The following CLUH variants were observed in gnomAD, a reference collection of about 807,000 sequenced individuals.
CLUH encodes the protein clustered mitochondria protein homolog.
Under a neutral mutation model 139.3 loss-of-function variants are expected in CLUH, and 77 were observed. The ratio of observed to expected loss-of-function variants is 0.55; its 90% CI spans 0.46 to 0.67. The LOEUF is 0.67. CLUH is among the 30% of genes least tolerant of loss of function. The pLI is 0.00. For missense variants in CLUH, 1,876 were observed against 1,875.8 expected (o/e 1.00, Z 0.00); for synonymous variants, 999 against 801.6 (o/e 1.25, Z -4.16).
At chr17:2,705,063 A>C (rs2070312097) in intron 1 of CLUH, among the ~76,000 whole-genome samples, 8 of 140,676 alleles carry the variant, frequency 5.7e-5, no homozygotes, top group South Asian at 2.3e-4. Flanking sequence ...CCTCCCATAC[A>C]CTCCTGCCCC....
At chr17:2,708,449 T>G (rs2070413084) in intron 1 of CLUH, among the ~76,000 whole-genome samples, 1 of 151,914 alleles carries the variant, frequency 6.6e-6, no homozygotes, top group Non-Finnish European at 1.5e-5. Flanking sequence ...GGACTCACGC[T>G]AGGCCCAGCC....
rs1397137191 is a variant in CLUH, at chr17:2,701,217, T to C, written c.948A>G (p.Leu316=). The C allele has an allele frequency of 6.2e-7, 1 of 1,613,834 alleles. No homozygotes were observed. ...FNPKPASPRF[L]SHSLVELLNQ... ...TGAGCAGCTCCACTAGGGAATGGCTTAGGAAGCGGGGGCTGGCGGGCTTGG... is the reference window on the plus strand; with the variant it reads ...TGAGCAGCTCCACTAGGGAATGGCTCAGGAAGCGGGGGCTGGCGGGCTTGG... Residue 316 remains leucine (L), a synonymous_variant, in exon 7 of 26, where the codon CTA becomes CTG. Coordinates refer to ENST00000651024, the MANE Select transcript of CLUH (RefSeq NM_001366661.1).
At chr17:2,695,929 G>A in intron 13 of CLUH, 3 of 593,484 alleles carry the variant, frequency 5.1e-6, no homozygotes, top group Non-Finnish European at 9.0e-6. Flanking sequence ...ACCATCCAGG[G>A]CTCAGAAGAC....
At chr17:2,693,297 G>C (rs923239971) in intron 19 of CLUH, among the ~76,000 whole-genome samples, 1 of 152,150 alleles carries the variant, frequency 6.6e-6, no homozygotes, top group Non-Finnish European at 1.5e-5. Context: ...TCGGGAGGCT[G>C]AGGTGGGAGA....
chr17:2,694,821 A>ATCCC, intron 16 of CLUH, 36 bp downstream of exon 16: 1 of 1,446,332 alleles, frequency 6.9e-7, no homozygotes, highest in Non-Finnish European at 9.2e-7. Flanking sequence ...CATCTGCCCA[A>ATCCC]TCCCACCCAC....
At position 2,692,369 on chromosome 17, in the gene CLUH, C is replaced by A. The variant is rs1239123655; in HGVS notation, c.3552G>T (p.Val1184=). Residue 1184 remains valine, a synonymous_variant, in exon 22 of 26, where the codon GTG becomes GTT. Coordinates refer to ENST00000651024, the MANE Select transcript of CLUH (RefSeq NM_001366661.1). ...GACGGGCGGCCCCTCACCTGAGGGC[C>A]ACCTTGAGGGCCTTGGGCCCGTGGT... is the stretch of plus-strand genomic sequence containing the variant. ...TKYHGPKALK[V]ALSHHLVARV... The A allele has an allele frequency of 5.7e-6, 9 of 1,582,582 alleles. No individual in the cohort carries two copies. Among genetic ancestry groups the A allele is most frequent in the Non-Finnish European group, 7.7e-6 (9 of 1,172,134 alleles).
intron 25 of CLUH, 27 bp from the exon 26 acceptor site, chr17:2,690,804 G>A: frequency 6.9e-7 from 1 of 1,457,674 alleles, no homozygotes; most frequent in South Asian, 1.5e-5. Context: ...GGATGGAGGT[G>A]GCTCTCAGAG....
At chr17:2,702,673 A>G (rs2093933497) in intron 3 of CLUH, among the ~76,000 whole-genome samples, 1 of 152,140 alleles carries the variant, frequency 6.6e-6, no homozygotes, top group Non-Finnish European at 1.5e-5. Flanking sequence ...GACCAACCGG[A>G]TGGCACCTCC....
chr17:2,711,475 A>C, intron 1 of CLUH, 87 bp downstream of exon 1: 1 of 319,894 alleles, frequency 3.1e-6, no homozygotes, highest in Non-Finnish European at 4.5e-6. Context: ...CGCGGAGGGA[A>C]GGCGGCGATC....
In CLUH at chr17:2,701,952, A is replaced by G. The variant is rs1394556359; in HGVS notation, c.581T>C (p.Leu194Ser). The change falls in exon 4 of 26, where the codon TTG (leucine) becomes TCG (serine). Residue 194 changes from leucine (L) to serine (S), a missense_variant. Physicochemically the swap from Leu to Ser is moderately radical, Grantham distance 145 (BLOSUM62 -2). Around this residue, in one of 3 missense-constraint regions of CLUH, gnomAD observed 270 missense variants for 354.7 expected, o/e 0.76. Transcript: ENST00000651024. ...DAFNGVDCNSLSFLSVFTDGD... is the reference protein window; with the variant it reads ...DAFNGVDCNSSSFLSVFTDGD... The stretch of plus-strand genomic sequence containing the variant: ...GTCGGTGAAGACACTCAGGAAGGAC[A>G]AGGAGTTGCAGTCAACCCCGTTGAA... 3 of 1,613,948 alleles carry G rather than the reference A, an allele frequency of 1.9e-6. No individual in the cohort carries two copies. Among genetic ancestry groups the G allele is most frequent in the Admixed American group, 3.3e-5 (2 of 60,010 alleles).
Position 2,702,070 on chromosome 17 carries a change from C to G in CLUH, c.476-13G>C. 1 of 1,612,326 alleles carries G rather than the reference C, an allele frequency of 6.2e-7. No individual in the cohort carries two copies. Among genetic ancestry groups the G allele is most frequent in the African/African-American group, 1.3e-5 (1 of 75,068 alleles). ...ACCGTGTACGGCTCTGTCAGGAAGG[C>G]AGGGAGGGTATGGCGTTACCAGGGC... On this transcript the variant is annotated splice_polypyrimidine_tract_variant and intron_variant, in intron 3 of 25. Coordinates refer to ENST00000651024, the MANE Select transcript of CLUH (RefSeq NM_001366661.1).
At position 2,707,005 on chromosome 17, in the gene CLUH, C is replaced by T. The variant is rs546995861; in HGVS notation, c.101-2441G>A. On this transcript the variant is annotated intron_variant, in intron 1 of 25. Transcript: ENST00000651024. This position sits in a 1 kb window ranked among gnomAD's most constrained non-coding sequence, Gnocchi z 7.4. ...CTCAGGGGGTACCTATTCCCTATCC[C>T]GTTTCAAAGGAATGCAGCTGGCTCC... Among the ~76,000 whole-genome samples, 1 of 152,312 alleles carries T rather than the reference C, an allele frequency of 6.6e-6. No homozygotes were observed. The highest frequency in any genetic ancestry group is 2.1e-4 in the South Asian group (1 of 4,834).
chr17:2,694,715 A>G, intron 16 of CLUH, 142 bp downstream of exon 16: 1 of 1,349,238 alleles, frequency 7.4e-7, no homozygotes, highest in East Asian at 2.5e-5. Flanking sequence ...ACCCTCCAGC[A>G]CCCAGTGATC....
chr17:2,692,036 C>A lies in CLUH; in HGVS notation c.3622G>T (p.Glu1208Ter). The change falls in exon 23 of 26, where the codon GAG (glutamate) becomes TAG (stop). Residue 1208 changes from glutamate to a stop codon, truncating the protein, a stop_gained. Coordinates refer to ENST00000651024, the MANE Select transcript of CLUH (RefSeq NM_001366661.1). LOFTEE classifies it high-confidence loss of function. ...KAEFRSALQHEKEGYTIYKTQ... is the reference protein window; with the variant it reads ...KAEFRSALQH ...TTGTAGATGGTGTAACCCTCCTTCT[C>A]GTGCTGCAGGGCCGACCGGAACTCA... The A allele has an allele frequency of 1.3e-6, 2 of 1,593,450 alleles. No individual in the cohort carries two copies. Among genetic ancestry groups the A allele is most frequent in the Non-Finnish European group, 1.7e-6 (2 of 1,169,824 alleles).
chr17:2,695,309 T>C (rs1487708337), intron 14 of CLUH, 29 bp from the exon 15 acceptor site: 7 of 1,613,588 alleles, frequency 4.3e-6, no homozygotes, highest in Non-Finnish European at 5.1e-6. Flanking sequence ...GAGGTCTTGG[T>C]CAGGCCCCCG....
rs1385259512 is a variant in CLUH, at chr17:2,696,901, T to C, written c.2003A>G (p.Gln668Arg). The change falls in exon 11 of 26, where the codon CAG becomes CGG. Residue 668 changes from glutamine (Q) to arginine (R), a missense_variant. This residue lies in a region of CLUH where 1,454 missense variants were observed against 1,384.4 expected (regional missense o/e 1.05). Transcript: ENST00000651024. Reference protein sequence around the residue: ...FMKLAALQLMQQNASQLETPS... With the variant: ...FMKLAALQLMRQNASQLETPS... ...GGTCTCCAGCTGGCTGGCGTTCTGCTGCATCAGCTGCAAGGCGGCCAGCTT... is the reference window on the plus strand; with the variant it reads ...GGTCTCCAGCTGGCTGGCGTTCTGCCGCATCAGCTGCAAGGCGGCCAGCTT... The C allele has an allele frequency of 6.2e-7, 1 of 1,609,208 alleles. No individual in the cohort carries two copies. Among genetic ancestry groups the C allele is most frequent in the African/African-American group, 1.3e-5 (1 of 74,976 alleles).
intron 25 of CLUH, 100 bp downstream of exon 25, chr17:2,691,509 C>T (rs2069631608): frequency 4.9e-6 from 6 of 1,225,300 alleles, no homozygotes; most frequent in East Asian, 5.1e-5. Context: ...TGCAGTGAGC[C>T]GGGATGGCGC....
rs771243070 is a variant in CLUH at position 2,704,414 on chromosome 17, G to A, written c.251C>T (p.Thr84Met). The change falls in exon 2 of 26, where the codon ACG (threonine) becomes ATG (methionine). Residue 84 changes from threonine (T) to methionine (M), a missense_variant. Coordinates refer to ENST00000651024, the MANE Select transcript of CLUH (RefSeq NM_001366661.1). The surrounding 1 kb of genome is among the most constrained non-coding windows in gnomAD (Gnocchi z 5.7). ...TGQEVIVIQD[T>M]GFSVKILAPG... ...GGCGAGGATCTTCACAGAAAAGCCC[G>A]TGTCCTGAATGACAATGACTTCCTG... 22 of 1,611,138 alleles carry A rather than the reference G, an allele frequency of 1.4e-5. No homozygotes were observed. The highest frequency in any genetic ancestry group is 3.3e-5 in the South Asian group (3 of 90,290).
Position 2,691,984 on chromosome 17 carries a change from G to GCCCCGCCCCCGC in CLUH, c.3654+19_3654+20insGCGGGGGCGGGG. 4 of 486,942 alleles carry GCCCCGCCCCCGC rather than the reference G, an allele frequency of 8.2e-6. No individual in the cohort carries two copies. The highest frequency in any genetic ancestry group is 9.7e-6 in the Non-Finnish European group (4 of 411,298). 30.2% of individuals were successfully genotyped at this position (486,942 alleles called of 1,614,324 possible). On this transcript the variant is annotated intron_variant, in intron 23 of 25. Coordinates refer to ENST00000651024, the MANE Select transcript of CLUH (RefSeq NM_001366661.1). Reference sequence around the variant, plus strand: ...ACGCCCCCGCCCCGCCCCCGCCCCCGCCACGCCCCCGCCGCGCACCTGCGT... The same window carrying GCCCCGCCCCCGC: ...ACGCCCCCGCCCCGCCCCCGCCCCCGCCCCGCCCCCGCCCACGCCCCCGCCGCGCACCTGCGT...
Sources: allele counts gnomAD v4.1 joint callset (sites outside exome capture counted in the v4.1 genomes callset), GRCh38; gene constraint gnomAD v4.1.1; regional missense constraint gnomAD v4.1.1; non-coding constraint Gnocchi (gnomAD v3.1); transcripts MANE v1.5; gene names NCBI Gene and HGNC (gene_info 2026-07-23, HGNC 2026-07-21).